Variants in NOX4 observed in about 807,000 individuals in gnomAD.
NOX4 encodes kidney oxidase-1.
Under a neutral mutation model 87.6 loss-of-function variants are expected in NOX4, and 69 were observed. That is an observed-to-expected ratio of 0.79 (90% confidence interval 0.65 to 0.96). The LOEUF is 0.96. NOX4 is among the 40% of genes least tolerant of loss of function. The probability of loss-of-function intolerance (pLI) is 0.00; values close to 1 mark genes in which losing one functional copy is unlikely to be tolerated. For synonymous variants in NOX4, 275 were observed against 238.2 expected, an observed-to-expected ratio of 1.15 and a Z score of -1.42; for missense variants, 680 against 681.5, an observed-to-expected ratio of 1.00 and a Z score of 0.02.
At chr11:89,568,456 C>T in the NOX4 span, among the ~76,000 whole-genome samples, 1 of 151,992 alleles carries the variant, frequency 6.6e-6, no homozygotes, top group East Asian at 1.9e-4. Context: ...TACAAAAATA[C>T]CTAGGAAGAC....
intron 11 of NOX4, among the ~76,000 whole-genome samples, chr11:89,389,931 G>A (rs1487772344): frequency 2.0e-5 from 3 of 152,018 alleles, no homozygotes; most frequent in African/African-American, 7.2e-5. Context: ...AATATAATAA[G>A]AATTAAATAA....
At chr11:89,455,870 C>T (rs956996467) in intron 2 of NOX4, among the ~76,000 whole-genome samples, 5 of 151,374 alleles carry the variant, frequency 3.3e-5, no homozygotes, top group African/African-American at 1.2e-4. Context: ...CATATGGGAG[C>T]TAAAAAAAAG....
At chr11:89,562,851 G>A in the NOX4 span, among the ~76,000 whole-genome samples, 3 of 152,064 alleles carry the variant, frequency 2.0e-5, no homozygotes, top group African/African-American at 7.2e-5. Context: ...ATCTTATCTT[G>A]AATTGTAATC....
Position 89,422,990 on chromosome 11 carries a change from G to A in NOX4, c.549-1008C>T, listed in dbSNP as rs182370179. On this transcript the variant is annotated intron_variant, in intron 7 of 17. Transcript: ENST00000263317. ...AATATTTGCATTCTTGGTAGAGATGGGGTTTCACCATGTTGGCCAGGCTGG... is the reference window on the plus strand; with the variant it reads ...AATATTTGCATTCTTGGTAGAGATGAGGTTTCACCATGTTGGCCAGGCTGG... 1.4e-3 allele frequency among the ~76,000 whole-genome samples: 207 copies of A among 151,790 alleles called. 1 individual carries two copies. The highest frequency in any genetic ancestry group is 9.4e-3 in the South Asian group (45 of 4,800).
At chr11:89,517,552 T>C in the NOX4 span, among the ~76,000 whole-genome samples, 2 of 152,134 alleles carry the variant, frequency 1.3e-5, no homozygotes, top group South Asian at 2.1e-4. Context: ...CATAGCTCAC[T>C]TCAGTCTTGA....
At chr11:89,394,655 C>T (rs1941353107) in intron 11 of NOX4, among the ~76,000 whole-genome samples, 2 of 152,020 alleles carry the variant, frequency 1.3e-5, no homozygotes, top group African/African-American at 4.8e-5. Flanking sequence ...CTCCCCTAGC[C>T]CCCCACCCCA....
chr11:89,578,287 G>A, the NOX4 span, among the ~76,000 whole-genome samples: 6 of 151,608 alleles, frequency 4.0e-5, no homozygotes, highest in Non-Finnish European at 8.8e-5. Context: ...TCAGCTTCCT[G>A]AGTAGCCGGG....
intron 11 of NOX4, among the ~76,000 whole-genome samples, chr11:89,383,561 G>C (rs1449593269): frequency 6.6e-6 from 1 of 152,048 alleles, no homozygotes; most frequent in Non-Finnish European, 1.5e-5. Flanking sequence ...CAATACGGAG[G>C]CTACCCACTC....
intron 2 of NOX4, among the ~76,000 whole-genome samples, chr11:89,468,153 GA>G (rs1565329380): frequency 1.3e-5 from 2 of 152,228 alleles, no homozygotes; most frequent in East Asian, 3.9e-4. Context: ...CACTCTGTTT[GA>G]ATTCTTCCAC....
chr11:89,529,714 C>A, the NOX4 span, among the ~76,000 whole-genome samples: 1 of 152,280 alleles, frequency 6.6e-6, no homozygotes, highest in South Asian at 2.1e-4. Flanking sequence ...AGGAGATACA[C>A]AAATTCTTAA....
the NOX4 span, among the ~76,000 whole-genome samples, chr11:89,551,345 A>C: frequency 4.6e-5 from 7 of 152,194 alleles, no homozygotes; most frequent in Admixed American, 4.6e-4. Context: ...GAAGAAAGTC[A>C]ATGGTAGCTT....
chr11:89,441,115 A>G (rs1488334658), intron 5 of NOX4, among the ~76,000 whole-genome samples: 1 of 152,212 alleles, frequency 6.6e-6, no homozygotes, highest in Non-Finnish European at 1.5e-5. Flanking sequence ...ACAAGATGTG[A>G]AGACAGAATT....
At chr11:89,546,158 T>C in the NOX4 span, among the ~76,000 whole-genome samples, 1 of 152,226 alleles carries the variant, frequency 6.6e-6, no homozygotes, top group Admixed American at 6.6e-5. Context: ...ACTGCCTTAG[T>C]TCAGGCTCTC....
chr11:89,350,661 A>G (rs557075197), intron 13 of NOX4, among the ~76,000 whole-genome samples: 1 of 152,326 alleles, frequency 6.6e-6, no homozygotes, highest in East Asian at 1.9e-4. Context: ...AAAAATATCA[A>G]TGTAGATACA....
intron 17 of NOX4, among the ~76,000 whole-genome samples, chr11:89,333,413 C>G (rs1945559438): frequency 6.6e-6 from 1 of 151,652 alleles, no homozygotes; most frequent in Non-Finnish European, 1.5e-5. Flanking sequence ...TTTACATATA[C>G]TTTCATAAGT....
At position 89,410,105 on chromosome 11, in the gene NOX4, T is replaced by G. The variant is rs1330029646; in HGVS notation, c.630-7563A>C. ...AATAAGAGGCATGGGTTTTCTTTTC[T>G]TTCAGATTTTTTAGCCACAGAAATG... On this transcript the variant is annotated intron_variant, in intron 8 of 17. Coordinates refer to ENST00000263317, the MANE Select transcript of NOX4 (RefSeq NM_016931.5). Among the ~76,000 whole-genome samples the G allele has an allele frequency of 2.0e-5, 3 of 152,112 alleles. No individual in the cohort carries two copies. The South Asian group carries it at 6.2e-4, about 32-fold the overall frequency.
chr11:89,479,776 G>A (rs1946315128), intron 2 of NOX4, among the ~76,000 whole-genome samples: 1 of 152,154 alleles, frequency 6.6e-6, no homozygotes. Context: ...TGTCAGAACT[G>A]AAAGTAAACT....
At chr11:89,482,563 A>G (rs1272633747) in intron 2 of NOX4, among the ~76,000 whole-genome samples, 1 of 151,978 alleles carries the variant, frequency 6.6e-6, no homozygotes, top group African/African-American at 2.4e-5. Context: ...CTCAGAAGAA[A>G]CCAACCCTGC....
chr11:89,451,878 G>A lies in NOX4; in HGVS notation c.171C>T (p.Ser57=). 1 of 1,612,256 alleles carries A rather than the reference G, an allele frequency of 6.2e-7. No homozygotes were observed. The highest frequency in any genetic ancestry group is 8.5e-7 in the Non-Finnish European group (1 of 1,178,522). The change falls in exon 3 of 18, where the codon AGC becomes AGT. Residue 57 remains serine, a synonymous_variant. Coordinates refer to ENST00000263317, the MANE Select transcript of NOX4 (RefSeq NM_016931.5). Reference sequence around the variant, plus strand: ...GGTTAAGAACAGATGCTGAGGCTCTGCTTAGACACAATCCTAGCTGAACAA... The same window carrying A: ...GGTTAAGAACAGATGCTGAGGCTCTACTTAGACACAATCCTAGCTGAACAA... The part of the protein sequence containing the change: ...HQMLGLGLCL[S]RASASVLNLN...
Sources: gnomAD v4.1 joint callset for allele counts (sites outside exome capture counted in the v4.1 genomes callset) on GRCh38, gnomAD v4.1.1 for gene constraint, MANE v1.5 for transcripts, NCBI Gene and HGNC (gene_info 2026-07-23, HGNC 2026-07-21) for gene names.